Variants in BRAF observed in about 807,000 individuals in gnomAD.
BRAF encodes B-Raf proto-oncogene, serine/threonine kinase.
A neutral mutation model predicts 104.6 loss-of-function variants in BRAF; 16 were observed. That is an observed-to-expected ratio of 0.15 (90% CI 0.10 to 0.23). BRAF has a LOEUF of 0.23. BRAF is among the 10% of genes least tolerant of loss of function. The pLI is 1.00. For missense variants in BRAF, 541 were observed against 937.3 expected (o/e 0.58, Z 5.52); for synonymous variants, 310 against 341.6 (o/e 0.91, Z 1.02).
At chr7:140,911,856 T>G (rs1294045568) in intron 1 of BRAF, among the ~76,000 whole-genome samples, 1 of 152,230 alleles carries the variant, frequency 6.6e-6, no homozygotes, top group African/African-American at 2.4e-5. Context: ...AAATTCATGT[T>G]CTATTTCCCA....
downstream of BRAF, among the ~76,000 whole-genome samples, chr7:140,716,935 C>T (rs943822876): frequency 5.3e-5 from 8 of 152,192 alleles, no homozygotes; most frequent in African/African-American, 1.4e-4. Context: ...GAAACACCAA[C>T]GTGCAGTGTC....
intron 3 of BRAF, among the ~76,000 whole-genome samples, chr7:140,812,677 AC>A (rs1804411169): frequency 6.6e-6 from 1 of 152,202 alleles, no homozygotes; most frequent in African/African-American, 2.4e-5. Flanking sequence ...TCATGATAGT[AC>A]CTGTACAACA....
intron 3 of BRAF, among the ~76,000 whole-genome samples, chr7:140,811,394 G>A (rs549184502): frequency 6.6e-6 from 1 of 152,286 alleles, no homozygotes; most frequent in South Asian, 2.1e-4. Context: ...AGAAGCTGAG[G>A]TGGAGTGGCT....
At chr7:140,824,576 T>C (rs958973852) in intron 3 of BRAF, among the ~76,000 whole-genome samples, 2 of 149,802 alleles carry the variant, frequency 1.3e-5, no homozygotes, top group African/African-American at 5.1e-5. Context: ...AACTCTGTAC[T>C]TTTTTTGACT....
At chr7:140,797,819 T>C (rs1246016918) in intron 7 of BRAF, among the ~76,000 whole-genome samples, 2 of 152,142 alleles carry the variant, frequency 1.3e-5, no homozygotes, top group African/African-American at 4.8e-5. Flanking sequence ...GGAGAAAATA[T>C]TATAACCAAA....
chr7:140,791,201 G>A lies in BRAF; in HGVS notation c.1140+3107C>T, dbSNP rs572347662. On this transcript the variant is annotated intron_variant, in intron 8 of 19. Transcript: ENST00000644969. ...TCTTTTGTCATTCCTTCACAGCCAAGCTTCTCAAAATTAACACTTAATCCT... is the reference window on the plus strand; with the variant it reads ...TCTTTTGTCATTCCTTCACAGCCAAACTTCTCAAAATTAACACTTAATCCT... Among the ~76,000 whole-genome samples, 15 of 152,232 alleles carry A rather than the reference G, an allele frequency of 9.9e-5. 1 individual carries two copies. In the South Asian group the frequency reaches 2.5e-3, roughly 25 times the overall value.
At chr7:140,803,317 G>A (rs1038770938) in intron 5 of BRAF, among the ~76,000 whole-genome samples, 4 of 152,124 alleles carry the variant, frequency 2.6e-5, no homozygotes, top group Non-Finnish European at 5.9e-5. Flanking sequence ...CCTCCAGAGT[G>A]GAATTGGGGG....
intron 16 of BRAF, among the ~76,000 whole-genome samples, 195 bp downstream of exon 15, chr7:140,753,080 G>T (rs1027620195): frequency 6.6e-6 from 1 of 151,706 alleles, no homozygotes; most frequent in African/African-American, 2.4e-5. Flanking sequence ...CACTGAAACT[G>T]GTTTCAAAAT....
intron 3 of BRAF, among the ~76,000 whole-genome samples, chr7:140,825,383 A>T (rs771797220): frequency 5.3e-5 from 8 of 152,150 alleles, no homozygotes; most frequent in Non-Finnish European, 1.0e-4. Flanking sequence ...TTCTCTTAAT[A>T]CTGTCTTTTG....
At chr7:140,735,299 A>G (rs1037109469) in intron 18 of BRAF, among the ~76,000 whole-genome samples, 2 of 152,254 alleles carry the variant, frequency 1.3e-5, no homozygotes, top group African/African-American at 4.8e-5. Flanking sequence ...CTAGTAGCAC[A>G]TGAGAAGTGA....
At chr7:140,736,496 C>T (rs1030234508) in intron 18 of BRAF, among the ~76,000 whole-genome samples, 6 of 151,164 alleles carry the variant, frequency 4.0e-5, no homozygotes, top group South Asian at 2.1e-4. Context: ...GGTGCGATCT[C>T]GGCTCACCGC....
intron 1 of BRAF, among the ~76,000 whole-genome samples, chr7:140,890,309 A>G (rs916684618): frequency 1.3e-5 from 2 of 152,220 alleles, no homozygotes; most frequent in African/African-American, 4.8e-5. Context: ...TTTTGGGGAT[A>G]ATCTCTGTGG....
At chr7:140,843,874 T>G (rs1808261493) in intron 2 of BRAF, among the ~76,000 whole-genome samples, 1 of 151,952 alleles carries the variant, frequency 6.6e-6, no homozygotes, top group South Asian at 2.1e-4. Context: ...ATGGGCGTGG[T>G]GGCGGGCGCC....
rs1381856104 is a variant in BRAF at position 140,721,023 on chromosome 7, T to C, written c.*5471A>G. The C allele has an allele frequency of 9.4e-7, 1 of 1,063,824 alleles. No homozygotes were observed. The highest frequency in any genetic ancestry group is 5.0e-5 in the East Asian group (1 of 19,894). The allele number at this position is 1,063,824 out of a possible 1,614,324, so 65.9% of individuals were successfully genotyped here. A position where few individuals can be genotyped will look rare whatever the true frequency, so the allele number is the denominator to read the frequency against. Reference sequence around the variant, plus strand: ...GTACAAACATTTTTTGATACTACCATGAATAAACATATTTTAGTTGTTTTC... The same window carrying C: ...GTACAAACATTTTTTGATACTACCACGAATAAACATATTTTAGTTGTTTTC... On this transcript the variant is annotated 3_prime_UTR_variant, in exon 20 of 20. Coordinates refer to ENST00000644969, the MANE Select transcript of BRAF (RefSeq NM_001374258.1).
intron 1 of BRAF, among the ~76,000 whole-genome samples, chr7:140,880,889 G>C (rs1812824554): frequency 1.3e-5 from 2 of 152,090 alleles, no homozygotes; most frequent in South Asian, 2.1e-4. Flanking sequence ...AGGATTGCTT[G>C]AGCTCAGGGG....
intron 14 of BRAF, among the ~76,000 whole-genome samples, chr7:140,771,492 A>T (rs1487733839): frequency 6.6e-6 from 1 of 152,082 alleles, no homozygotes; most frequent in African/African-American, 2.4e-5. Flanking sequence ...CCGTGTCCAG[A>T]CTAACTTTTC....
chr7:140,880,970 GCACA>G (rs1207381849), intron 1 of BRAF, among the ~76,000 whole-genome samples: 2 of 152,014 alleles, frequency 1.3e-5, no homozygotes, highest in African/African-American at 4.8e-5. Context: ...AACAAAAAAA[GCACA>G]CACACATAGA....
intron 17 of BRAF, chr7:140,747,409 G>C (rs1057411325): frequency 7.8e-7 from 1 of 1,288,238 alleles, no homozygotes; most frequent in Admixed American, 2.3e-5. Context: ...GTAAGCCCTT[G>C]CCACATCATT....
intron 17 of BRAF, chr7:140,741,474 A>AT (rs752264127): frequency 5.9e-5 from 9 of 152,272 alleles, no homozygotes; most frequent in Non-Finnish European, 1.2e-4. Flanking sequence ...AAAGGTAACC[A>AT]TGCTTATCAT....
Sources: gnomAD v4.1 joint callset for allele counts (sites outside exome capture counted in the v4.1 genomes callset) on GRCh38, gnomAD v4.1.1 for gene constraint, MANE v1.5 for transcripts, NCBI Gene and HGNC (gene_info 2026-07-23, HGNC 2026-07-21) for gene names.